The following LEKR1 variants were observed in gnomAD, a reference collection of about 807,000 sequenced individuals.
LEKR1 encodes the protein leucine, glutamate and lysine rich 1, also known as protein LEKR1.
Under a neutral mutation model 72.4 loss-of-function variants are expected in LEKR1, and 59 were observed. That is an observed-to-expected ratio of 0.82 (90% CI 0.66 to 1.01). The LOEUF (loss-of-function observed/expected upper bound fraction) is 1.01. LEKR1 is among the 50% of genes least tolerant of loss of function. LEKR1 has a pLI of 0.00. For synonymous variants in LEKR1, 257 were observed against 263.2 expected, an observed-to-expected ratio of 0.98 and a Z score of 0.23; for missense variants, 728 against 759.2, an observed-to-expected ratio of 0.96 and a Z score of 0.48.
At chr3:156,847,954 T>C (rs1714831646) in intron 2 of LEKR1, among the ~76,000 whole-genome samples, 1 of 152,198 alleles carries the variant, frequency 6.6e-6, no homozygotes, top group Non-Finnish European at 1.5e-5. Flanking sequence ...CAATGTGAAG[T>C]TTATAGCATT....
At position 156,942,655 on chromosome 3, in the gene LEKR1, C is replaced by A; in HGVS notation, c.686C>A (p.Ser229Tyr). 7.9e-7 allele frequency: 1 copy of A among 1,270,246 alleles called. No individual in the cohort carries two copies. The highest frequency in any genetic ancestry group is 1.0e-6 in the Non-Finnish European group (1 of 982,360). The allele number at this position is 1,270,246 out of a possible 1,614,324, so 78.7% of individuals were successfully genotyped here. Residue 229 changes from serine to tyrosine, a missense_variant, in exon 6 of 13, where the codon TCT becomes TAT. Ser to Tyr is a moderately radical substitution (Grantham distance 144, BLOSUM62 -2). Coordinates refer to ENST00000356539, the MANE Select transcript of LEKR1 (RefSeq NM_001004316.3). Reference sequence around the variant, plus strand: ...TTGAGATCTCAGCAGATTCGGACATCTAGACAACAGGAAGTAAACTTGCAA... The same window carrying A: ...TTGAGATCTCAGCAGATTCGGACATATAGACAACAGGAAGTAAACTTGCAA... ...AILRSQQIRT[S>Y]RQQEVNLQTR... is the part of the protein sequence containing the mutation.
intron 7 of LEKR1, among the ~76,000 whole-genome samples, chr3:156,981,484 C>T (rs561420454): frequency 9.8e-5 from 15 of 152,292 alleles, no homozygotes; most frequent in East Asian, 5.8e-4. Context: ...GTTTCCTACA[C>T]GTACAAGACC....
At chr3:156,956,254 C>G (rs1727623602) in intron 6 of LEKR1, among the ~76,000 whole-genome samples, 1 of 151,984 alleles carries the variant, frequency 6.6e-6, no homozygotes, top group African/African-American at 2.4e-5. Context: ...CACTTGCTTT[C>G]TCCTCTGGTC....
chr3:157,009,893 A>C (rs1207919418), intron 9 of LEKR1, among the ~76,000 whole-genome samples: 1 of 152,034 alleles, frequency 6.6e-6, no homozygotes, highest in Non-Finnish European at 1.5e-5. Flanking sequence ...TCAACTATTC[A>C]TGTTATCTAT....
intron 9 of LEKR1, among the ~76,000 whole-genome samples, chr3:157,004,819 G>T (rs1267423760): frequency 6.6e-6 from 1 of 151,812 alleles, no homozygotes; most frequent in African/African-American, 2.4e-5. Flanking sequence ...TGTCACCAAA[G>T]AAAAACTTAG....
At chr3:156,857,188 C>T (rs887777352) in intron 3 of LEKR1, among the ~76,000 whole-genome samples, 1 of 151,820 alleles carries the variant, frequency 6.6e-6, no homozygotes, top group Non-Finnish European at 1.5e-5. Context: ...GATTTGTTTT[C>T]CTTTAATCTG....
At chr3:157,041,424 C>T (rs569959331) in intron 12 of LEKR1, among the ~76,000 whole-genome samples, 1 of 152,276 alleles carries the variant, frequency 6.6e-6, no homozygotes, top group African/African-American at 2.4e-5. Context: ...AATAAACTTT[C>T]AATGACTCCA....
intron 3 of LEKR1, among the ~76,000 whole-genome samples, chr3:156,854,028 G>A (rs1715715341): frequency 6.6e-6 from 1 of 151,002 alleles, no homozygotes; most frequent in Non-Finnish European, 1.5e-5. Flanking sequence ...GAAAGTCTTT[G>A]TACCCTGCTG....
At chr3:157,035,513 C>T (rs545347181) in intron 12 of LEKR1, among the ~76,000 whole-genome samples, 3 of 152,280 alleles carry the variant, frequency 2.0e-5, no homozygotes, top group South Asian at 2.1e-4. Context: ...TTCACACTCT[C>T]ATGTTTCAGA....
chr3:157,030,842 C>T (rs1008485078), intron 12 of LEKR1, among the ~76,000 whole-genome samples: 1 of 152,144 alleles, frequency 6.6e-6, no homozygotes, highest in East Asian at 1.9e-4. Context: ...AGGCTTCCCT[C>T]AGTTCCTTGC....
intron 7 of LEKR1, 130 bp downstream of exon 7, chr3:156,979,405 T>C: frequency 2.5e-6 from 1 of 396,204 alleles, no homozygotes. Flanking sequence ...TTGGCAGTGA[T>C]TTACTGGTGT....
chr3:156,966,491 G>A lies in LEKR1; in HGVS notation c.746-12703G>A, dbSNP rs182050723. Among the ~76,000 whole-genome samples, 90 of 152,328 alleles carry A rather than the reference G, an allele frequency of 5.9e-4. 1 individual carries two copies. The highest frequency in any genetic ancestry group is 4.9e-3 in the Admixed American group (75 of 15,306). ...ACATCAGGAGATTATATCCCGCACC[G>A]GGCGTGGAGGGTCCTGCGCCCATGG... On this transcript the variant is annotated intron_variant, in intron 6 of 12. Coordinates refer to ENST00000356539, the MANE Select transcript of LEKR1 (RefSeq NM_001004316.3).
chr3:156,966,700 G>A (rs772245289), intron 6 of LEKR1, among the ~76,000 whole-genome samples: 14 of 152,128 alleles, frequency 9.2e-5, no homozygotes, highest in Non-Finnish European at 1.9e-4. Context: ...CCACCTCTGG[G>A]GGCAGGGCAT....
At chr3:156,837,297 A>G (rs1713275964) in intron 2 of LEKR1, among the ~76,000 whole-genome samples, 1 of 152,138 alleles carries the variant, frequency 6.6e-6, no homozygotes, top group South Asian at 2.1e-4. Flanking sequence ...TTAAGACAAG[A>G]CTCACCCAAA....
chr3:156,987,846 C>T (rs111551641), intron 7 of LEKR1, among the ~76,000 whole-genome samples: 6 of 152,112 alleles, frequency 3.9e-5, no homozygotes, highest in South Asian at 2.1e-4. Context: ...TCTAGTAGGC[C>T]ATCACACAAT....
chr3:156,970,652 A>C (rs1250155481), intron 6 of LEKR1, among the ~76,000 whole-genome samples: 1 of 152,182 alleles, frequency 6.6e-6, no homozygotes, highest in Non-Finnish European at 1.5e-5. Context: ...AAGTCTCAGG[A>C]TACAAAATCA....
At chr3:156,940,613 G>T (rs1294914707) in intron 5 of LEKR1, among the ~76,000 whole-genome samples, 2 of 152,176 alleles carry the variant, frequency 1.3e-5, no homozygotes, top group African/African-American at 2.4e-5. Flanking sequence ...TTTGCAAAAG[G>T]TAAGTTAATT....
intron 3 of LEKR1, among the ~76,000 whole-genome samples, chr3:156,893,293 C>T (rs961947609): frequency 2.6e-5 from 4 of 152,018 alleles, no homozygotes; most frequent in African/African-American, 4.8e-5. Context: ...TTAGATTTCA[C>T]GATGTAAGGA....
intron 7 of LEKR1, among the ~76,000 whole-genome samples, chr3:156,980,726 T>C (rs1455516350): frequency 1.3e-5 from 2 of 152,286 alleles, no homozygotes; most frequent in East Asian, 3.9e-4. Flanking sequence ...AGGGAGGTGG[T>C]GTTAGCACAC....
Sources: gnomAD v4.1 joint callset for allele counts (sites outside exome capture counted in the v4.1 genomes callset) on GRCh38, gnomAD v4.1.1 for gene constraint, MANE v1.5 for transcripts, NCBI Gene and HGNC (gene_info 2026-07-23, HGNC 2026-07-21) for gene names.